Variants in ARFGAP3 observed in about 807,000 individuals in gnomAD.
ARFGAP3 encodes ARF GTPase activating protein 3, also known as ADP-ribosylation factor GTPase-activating protein 3.
Under a neutral mutation model 75.0 loss-of-function variants are expected in ARFGAP3, and 72 were observed. That is an observed-to-expected ratio of 0.96 (90% confidence interval 0.79 to 1.17). The LOEUF (loss-of-function observed/expected upper bound fraction) is 1.17, where lower values mean the gene tolerates loss of function less well. Ranked by LOEUF, ARFGAP3 falls within the 50% of genes most tolerant of loss-of-function variation. The pLI is 0.00. For synonymous variants in ARFGAP3, 221 were observed against 217.9 expected, an observed-to-expected ratio of 1.01 and a Z score of -0.13; for missense variants, 620 against 626.6, an observed-to-expected ratio of 0.99 and a Z score of 0.11.
At chr22:42,848,169 C>A (rs753847338) in intron 1 of ARFGAP3, among the ~76,000 whole-genome samples, 1 of 151,492 alleles carries the variant, frequency 6.6e-6, no homozygotes, top group Non-Finnish European at 1.5e-5. Flanking sequence ...CAGTTTACTA[C>A]ATGATTTATA....
chr22:42,841,649 T>C (rs144741633), intron 2 of ARFGAP3, among the ~76,000 whole-genome samples: 1 of 152,234 alleles, frequency 6.6e-6, no homozygotes, highest in East Asian at 1.9e-4. Flanking sequence ...AAAGCAACAA[T>C]GTTAGAATCT....
At chr22:42,808,736 G>A (rs1364769257) in intron 13 of ARFGAP3, 31 bp downstream of exon 13, 1 of 1,555,432 alleles carries the variant, frequency 6.4e-7, no homozygotes, top group Non-Finnish European at 8.8e-7. Context: ...CTGCATTATG[G>A]GGCACCCAAA....
intron 3 of ARFGAP3, among the ~76,000 whole-genome samples, chr22:42,839,398 A>T (rs1926679664): frequency 6.6e-6 from 1 of 152,000 alleles, no homozygotes; most frequent in South Asian, 2.1e-4. Context: ...CAGGAGTTTG[A>T]GACCAGCTCG....
Position 42,835,794 on chromosome 22 carries a change from G to A in ARFGAP3, c.262-301C>T, listed in dbSNP as rs552214994. The stretch of plus-strand genomic sequence containing the variant: ...AGATCGTGTCACTGCACTCCAGCCT[G>A]GGCAACAGAGCAAGACTCCATCTCA... On this transcript the variant is annotated intron_variant, in intron 3 of 15. Coordinates refer to ENST00000263245, the MANE Select transcript of ARFGAP3 (RefSeq NM_014570.5). 3.9e-5 allele frequency among the ~76,000 whole-genome samples: 6 copies of A among 152,144 alleles called. No homozygotes were observed. The East Asian group carries it at 1.2e-3, about 29-fold the overall frequency.
intron 11 of ARFGAP3, chr22:42,811,184 G>C (rs1602097620): frequency 5.3e-6 from 1 of 187,268 alleles, no homozygotes; most frequent in East Asian, 1.9e-4. Flanking sequence ...TTGTGTTCCA[G>C]GTGCTACAGT....
intron 14 of ARFGAP3, among the ~76,000 whole-genome samples, chr22:42,800,060 C>T (rs1924786226): frequency 6.6e-6 from 1 of 152,188 alleles, no homozygotes; most frequent in African/African-American, 2.4e-5. Context: ...TATCACACAT[C>T]AAGGAGGTCT....
intron 6 of ARFGAP3, among the ~76,000 whole-genome samples, chr22:42,829,975 T>C (rs1225655936): frequency 1.3e-5 from 2 of 152,252 alleles, no homozygotes; most frequent in African/African-American, 4.8e-5. Context: ...ACCTAGGATA[T>C]GCAATGTTCT....
chr22:42,823,609 T>C lies in ARFGAP3; in HGVS notation c.672+47A>G, dbSNP rs551035773. On this transcript the variant is annotated intron_variant, in intron 8 of 15. Coordinates refer to ENST00000263245, the MANE Select transcript of ARFGAP3 (RefSeq NM_014570.5). Reference sequence around the variant, plus strand: ...AAATGACGAAGCGGCTTTTTAGTTTTAAAGCTTAACTACCAGATTTTTATA... The same window carrying C: ...AAATGACGAAGCGGCTTTTTAGTTTCAAAGCTTAACTACCAGATTTTTATA... The C allele has an allele frequency of 2.2e-6, 3 of 1,378,510 alleles. No individual in the cohort carries two copies. The East Asian group carries it at 7.4e-5, about 34-fold the overall frequency. The allele number at this position is 1,378,510 out of a possible 1,614,324, so 85.4% of individuals were successfully genotyped here.
chr22:42,835,632 T>C, intron 3 of ARFGAP3, 139 bp from the exon 4 acceptor site: 1 of 883,410 alleles, frequency 1.1e-6, no homozygotes, highest in Non-Finnish European at 1.6e-6. Flanking sequence ...CCATCCTGGC[T>C]AACACGGTGA....
chr22:42,799,891 AC>A (rs1924778775), intron 14 of ARFGAP3, among the ~76,000 whole-genome samples: 1 of 152,188 alleles, frequency 6.6e-6, no homozygotes, highest in Non-Finnish European at 1.5e-5. Context: ...CTTCCCAGGT[AC>A]AGAAGTTCAC....
At chr22:42,807,478 G>A (rs1021341858) in intron 13 of ARFGAP3, among the ~76,000 whole-genome samples, 3 of 152,140 alleles carry the variant, frequency 2.0e-5, no homozygotes, top group African/African-American at 7.2e-5. Flanking sequence ...TGTCAGCAAA[G>A]GCCACTCTAA....
At position 42,822,302 on chromosome 22, in the gene ARFGAP3, G is replaced by A; in HGVS notation, c.780C>T (p.Asp260=). 6.2e-7 allele frequency: 1 copy of A among 1,613,954 alleles called. No homozygotes were observed. Among genetic ancestry groups the A allele is most frequent in the South Asian group, 1.1e-5 (1 of 91,062 alleles). The change falls in exon 9 of 16, where the codon GAC becomes GAT. Residue 260 remains aspartate (D), a synonymous_variant. Transcript: ENST00000263245. The part of the protein sequence containing the change: ...QAADKMKEQE[D]LAKVVSKEES... Reference sequence around the variant, plus strand: ...CTTCTTTAGATACCACCTTGGCCAGGTCTTCCTGCTCCTTCATTTTATCCG... The same window carrying A: ...CTTCTTTAGATACCACCTTGGCCAGATCTTCCTGCTCCTTCATTTTATCCG...
At chr22:42,800,107 A>C (rs1924788429) in intron 14 of ARFGAP3, among the ~76,000 whole-genome samples, 1 of 152,182 alleles carries the variant, frequency 6.6e-6, no homozygotes, top group Middle Eastern at 3.2e-3. Flanking sequence ...GGGGTTCATA[A>C]ACTTCTGTGT....
chr22:42,813,592 G>A (rs980038267), intron 11 of ARFGAP3, among the ~76,000 whole-genome samples: 3 of 152,206 alleles, frequency 2.0e-5, no homozygotes, highest in African/African-American at 7.2e-5. Context: ...GACAGCCATC[G>A]GCTTGGGTCC....
At chr22:42,850,598 G>C (rs199646164) in intron 1 of ARFGAP3, among the ~76,000 whole-genome samples, 2 of 90,640 alleles carry the variant, frequency 2.2e-5, no homozygotes, top group Admixed American at 2.3e-4. Flanking sequence ...AAAAAAAAAA[G>C]ATATACTTTA....
intron 14 of ARFGAP3, among the ~76,000 whole-genome samples, chr22:42,805,350 C>G (rs749934599): frequency 2.0e-5 from 3 of 152,160 alleles, no homozygotes; most frequent in Non-Finnish European, 4.4e-5. Context: ...CAGAGTAAAA[C>G]TTCTATTGAT....
chr22:42,835,563 T>C, intron 3 of ARFGAP3, 70 bp from the exon 4 acceptor site: 1 of 1,573,452 alleles, frequency 6.4e-7, no homozygotes, highest in Non-Finnish European at 8.6e-7. Context: ...GGCTCATGCC[T>C]GTAATCCCAG....
At chr22:42,819,052 A>ATTT (rs1249698139) in intron 9 of ARFGAP3, among the ~76,000 whole-genome samples, 2 of 151,874 alleles carry the variant, frequency 1.3e-5, no homozygotes, top group Non-Finnish European at 2.9e-5. Flanking sequence ...ACCTCAGGCG[A>ATTT]TCTGCCTGCC....
intron 14 of ARFGAP3, among the ~76,000 whole-genome samples, chr22:42,801,178 C>T (rs991435804): frequency 1.3e-5 from 2 of 152,128 alleles, no homozygotes; most frequent in Non-Finnish European, 2.9e-5. Flanking sequence ...GGCTGAGCGT[C>T]CTCAGGAGGC....
Sources: allele counts gnomAD v4.1 joint callset (sites outside exome capture counted in the v4.1 genomes callset), GRCh38; gene constraint gnomAD v4.1.1; transcripts MANE v1.5; gene names NCBI Gene and HGNC (gene_info 2026-07-23, HGNC 2026-07-21).